VAPA: variants seen among roughly 807,000 people sequenced by gnomAD.
VAPA encodes the protein vesicle-associated membrane protein-associated protein A.
A neutral mutation model predicts 25.6 loss-of-function variants in VAPA; 6 were observed. That is an observed-to-expected ratio of 0.23 (90% CI 0.13 to 0.46). The LOEUF (loss-of-function observed/expected upper bound fraction) is 0.46, where lower values mean the gene tolerates loss of function less well. VAPA is among the 20% of genes least tolerant of loss of function. The pLI is 0.99. For synonymous variants in VAPA, 112 were observed against 106.2 expected, an observed-to-expected ratio of 1.05 and a Z score of -0.34; for missense variants, 244 against 302.1, an observed-to-expected ratio of 0.81 and a Z score of 1.43.
At chr18:9,938,028 T>C (rs2069328579) in intron 4 of VAPA, among the ~76,000 whole-genome samples, 1 of 152,198 alleles carries the variant, frequency 6.6e-6, no homozygotes, top group Admixed American at 6.5e-5. Context: ...AAGCAAAAAA[T>C]TGTGAACACA....
intron 2 of VAPA, among the ~76,000 whole-genome samples, chr18:9,932,791 A>ATTC (rs2069269237): frequency 6.6e-6 from 1 of 152,152 alleles, no homozygotes; most frequent in Non-Finnish European, 1.5e-5. Context: ...CCCAGATTGG[A>ATTC]ATCTCTAGGA....
In VAPA at chr18:9,955,041, A is replaced by G. The variant is rs1162883742; in HGVS notation, c.*830A>G. 2.0e-5 allele frequency: 3 copies of G among 152,202 alleles called. No individual in the cohort carries two copies. Among genetic ancestry groups the G allele is most frequent in the African/African-American group, 7.2e-5 (3 of 41,450 alleles). The allele number at this position is 152,202 out of a possible 1,614,324, so 9.4% of individuals were successfully genotyped here. On this transcript the variant is annotated 3_prime_UTR_variant, in exon 6 of 6. Transcript: ENST00000400000. Reference sequence around the variant, plus strand: ...AATCAGTTTGTTTTCAAGATAATAGAAAATAAGGTCCATGAGAATAGAAGT... The same window carrying G: ...AATCAGTTTGTTTTCAAGATAATAGGAAATAAGGTCCATGAGAATAGAAGT...
In VAPA at chr18:9,957,000, G is replaced by A. The variant is rs2069558427; in HGVS notation, c.*2789G>A. 1 of 151,802 alleles carries A rather than the reference G, an allele frequency of 6.6e-6. No individual in the cohort carries two copies. Among genetic ancestry groups the A allele is most frequent in the South Asian group, 2.1e-4 (1 of 4,804 alleles). The allele number at this position is 151,802 out of a possible 1,614,324, so 9.4% of individuals were successfully genotyped here. A position where few individuals can be genotyped will look rare whatever the true frequency, so the allele number is the denominator to read the frequency against. On this transcript the variant is annotated 3_prime_UTR_variant, in exon 6 of 6. Transcript: ENST00000400000. ...AATGACACTTGGAAGAAAAATGTAT[G>A]AAATTCAGAAATTCCGATCAAAGAA...
intron 3 of VAPA, chr18:9,936,652 AGG>A (rs2069313622): frequency 3.2e-5 from 8 of 251,486 alleles, no homozygotes; most frequent in Admixed American, 2.7e-4. Flanking sequence ...GAGGCATGGG[AGG>A]ATTGATTGCT....
At chr18:9,929,529 T>A (rs1360900973) in intron 1 of VAPA, among the ~76,000 whole-genome samples, 4 of 152,118 alleles carry the variant, frequency 2.6e-5, no homozygotes, top group Admixed American at 1.3e-4. Context: ...ATGTAAAATG[T>A]TTTTGAATAT....
chr18:9,924,035 A>T (rs2069179522), intron 1 of VAPA: 1 of 152,720 alleles, frequency 6.5e-6, no homozygotes, highest in African/African-American at 2.4e-5. Context: ...ACTCAATCTC[A>T]CAAAATAACC....
rs1471867271 is a variant in VAPA, at chr18:9,954,470, CATAA to C, written c.*265_*268del. On this transcript the variant is annotated 3_prime_UTR_variant, in exon 6 of 6. Coordinates refer to ENST00000400000, the MANE Select transcript of VAPA (RefSeq NM_194434.3). ...TGCACATTGAGTCCTTTATGAAATT[CATAA>C]ATAAAGAATTGTTCTTTCTTTGTGG... 1.4e-5 allele frequency: 5 copies of C among 346,558 alleles called. No homozygotes were observed. Among genetic ancestry groups the C allele is most frequent in the South Asian group, 9.0e-5 (1 of 11,136 alleles). The allele number at this position is 346,558 out of a possible 1,614,324, so 21.5% of individuals were successfully genotyped here.
At chr18:9,917,008 T>G (rs1403033669) in intron 1 of VAPA, among the ~76,000 whole-genome samples, 1 of 152,230 alleles carries the variant, frequency 6.6e-6, no homozygotes, top group African/African-American at 2.4e-5. Context: ...CAGTACATTT[T>G]TCTGTATACC....
chr18:9,947,195 C>T (rs1200195467), intron 4 of VAPA, among the ~76,000 whole-genome samples: 1 of 129,146 alleles, frequency 7.7e-6, no homozygotes, highest in African/African-American at 3.0e-5. Flanking sequence ...AGAAGGAGTA[C>T]ACTCTAAAAT....
chr18:9,933,475 A>G (rs554366215), intron 2 of VAPA, among the ~76,000 whole-genome samples: 3 of 152,250 alleles, frequency 2.0e-5, no homozygotes, highest in Admixed American at 1.3e-4. Flanking sequence ...GAAGGAATGC[A>G]TGCACTCTGC....
intron 1 of VAPA, among the ~76,000 whole-genome samples, chr18:9,930,041 G>A (rs1390801939): frequency 6.6e-6 from 1 of 152,070 alleles, no homozygotes; most frequent in African/African-American, 2.4e-5. Flanking sequence ...CTCTTGTAGA[G>A]TTTGTTGATG....
chr18:9,948,323 C>G (rs1401502488), intron 4 of VAPA: 1 of 152,020 alleles, frequency 6.6e-6, no homozygotes, highest in East Asian at 1.9e-4. Flanking sequence ...AGCTGCCCAT[C>G]AAATGCTTAA....
At chr18:9,938,845 A>G (rs1008282493) in intron 4 of VAPA, among the ~76,000 whole-genome samples, 2 of 152,202 alleles carry the variant, frequency 1.3e-5, no homozygotes, top group African/African-American at 4.8e-5. Context: ...AACCTCTGTG[A>G]ACTTATGAGC....
rs918527910 is a variant in VAPA, at chr18:9,956,651, AAC to A, written c.*2442_*2443del. The A allele has an allele frequency of 2.6e-5, 4 of 152,684 alleles. No homozygotes were observed. The highest frequency in any genetic ancestry group is 9.6e-5 in the African/African-American group (4 of 41,472). The allele number at this position is 152,684 out of a possible 1,614,324, so 9.5% of individuals were successfully genotyped here. ...AATGTGATCAGATTATTTTACTACC[AAC>A]AGTTATAGTTTGAAAGTCCAACTGT... On this transcript the variant is annotated 3_prime_UTR_variant, in exon 6 of 6. Coordinates refer to ENST00000400000, the MANE Select transcript of VAPA (RefSeq NM_194434.3).
At chr18:9,924,484 T>C (rs2069183789) in intron 1 of VAPA, among the ~76,000 whole-genome samples, 1 of 152,242 alleles carries the variant, frequency 6.6e-6, no homozygotes, top group Non-Finnish European at 1.5e-5. Flanking sequence ...GTTCCACTTC[T>C]GTGTTAAGAC....
chr18:9,917,186 A>G (rs1447351146), intron 1 of VAPA, among the ~76,000 whole-genome samples: 1 of 152,266 alleles, frequency 6.6e-6, no homozygotes, highest in African/African-American at 2.4e-5. Context: ...CCTAGATTTC[A>G]GATTTGAAAC....
intron 4 of VAPA, chr18:9,948,280 T>C (rs2069447599): frequency 1.3e-5 from 2 of 152,190 alleles, no homozygotes; most frequent in African/African-American, 2.4e-5. Context: ...TGTCTTCCTA[T>C]GGACATGTTA....
At chr18:9,920,899 CAAGA>C in intron 1 of VAPA, among the ~76,000 whole-genome samples, 1 of 152,316 alleles carries the variant, frequency 6.6e-6, no homozygotes, top group East Asian at 1.9e-4. Flanking sequence ...CCTCTTATTT[CAAGA>C]ATCACTTCCT....
intron 1 of VAPA, among the ~76,000 whole-genome samples, chr18:9,931,044 C>T (rs925675353): frequency 6.6e-6 from 1 of 151,928 alleles, no homozygotes. Context: ...TAACTTTAAA[C>T]GAATTGTTTT....
Sources: allele counts gnomAD v4.1 joint callset (sites outside exome capture counted in the v4.1 genomes callset), GRCh38; gene constraint gnomAD v4.1.1; transcripts MANE v1.5; gene names NCBI Gene and HGNC (gene_info 2026-07-23, HGNC 2026-07-21).